Variants in CSMD1 observed in about 807,000 individuals in gnomAD.
CSMD1 encodes the protein CUB and sushi domain-containing protein 1.
In CSMD1, 213 loss-of-function variants were observed where a neutral mutation model predicts 417.5. The ratio of observed to expected loss-of-function variants is 0.51; its 90% CI spans 0.46 to 0.57. The LOEUF is 0.57. Among genes scored for constraint, CSMD1 ranks in the 20% least tolerant of loss-of-function variants. The pLI, the probability that CSMD1 is intolerant of heterozygous loss-of-function variation, is 0.00. For missense variants in CSMD1, 6,923 were observed against 4,529.7 expected (o/e 1.53, Z -15.17); for synonymous variants, 2,862 against 1,736.8 (o/e 1.65, Z -16.11).
chr8:3,957,611 G>C (rs528787816), intron 5 of CSMD1, among the ~76,000 whole-genome samples: 1 of 152,118 alleles, frequency 6.6e-6, no homozygotes, highest in African/African-American at 2.4e-5. Context: ...TTGATCTCAG[G>C]AGTTCGGGGT....
intron 1 of CSMD1, among the ~76,000 whole-genome samples, chr8:4,950,525 T>C (rs1355332978): frequency 6.6e-6 from 1 of 152,182 alleles, no homozygotes; most frequent in Non-Finnish European, 1.5e-5. Context: ...ACTTTATTCA[T>C]AAAAAAGTAA....
rs1348044775 is a variant in CSMD1 at position 3,963,308 on chromosome 8, G to C, written c.818+34595C>G. Among the ~76,000 whole-genome samples the C allele has an allele frequency of 4.6e-5, 7 of 152,104 alleles. No homozygotes were observed. In the East Asian group the frequency reaches 5.8e-4, roughly 13 times the overall value. ...GAAAAACAAAGGTTCCAAATCCATGGCTCTCACCCAGATAAGCCAATTAAA... is the reference window on the plus strand; with the variant it reads ...GAAAAACAAAGGTTCCAAATCCATGCCTCTCACCCAGATAAGCCAATTAAA... On this transcript the variant is annotated intron_variant, in intron 5 of 69. Coordinates refer to ENST00000635120, the MANE Select transcript of CSMD1 (RefSeq NM_033225.6).
intron 3 of CSMD1, among the ~76,000 whole-genome samples, chr8:4,411,992 G>GTGTA (rs1796673880): frequency 7.1e-6 from 1 of 140,394 alleles, no homozygotes; most frequent in South Asian, 2.1e-4. Flanking sequence ...AGCTAAGGGT[G>GTGTA]TGTGTGTGTG....
In CSMD1 at chr8:2,961,174, G is replaced by A. The variant is rs755798508; in HGVS notation, c.9669C>T (p.His3223=). 5.6e-6 allele frequency: 9 copies of A among 1,603,448 alleles called. No homozygotes were observed. Among genetic ancestry groups the A allele is most frequent in the Non-Finnish European group, 7.7e-6 (9 of 1,173,110 alleles). Reference sequence around the variant, plus strand: ...CTCTGGAGCTATTCTGTATTCCAAAGTGTGGCGTACCAGGGTCTGGGCAGG... The same window carrying A: ...CTCTGGAGCTATTCTGTATTCCAAAATGTGGCGTACCAGGGTCTGGGCAGG... ...HNTCPDPGTP[H]FGIQNSSRGY... The change falls in exon 62 of 70, where the codon CAC becomes CAT. Residue 3223 remains histidine (H), a synonymous_variant. Coordinates refer to ENST00000635120, the MANE Select transcript of CSMD1 (RefSeq NM_033225.6).
At chr8:2,976,107 A>AT in intron 55 of CSMD1, among the ~76,000 whole-genome samples, 1 of 152,204 alleles carries the variant, frequency 6.6e-6, no homozygotes, top group East Asian at 1.9e-4. Flanking sequence ...AAGGCTGAGA[A>AT]TTTTTTTGAA....
intron 10 of CSMD1, among the ~76,000 whole-genome samples, chr8:3,529,319 T>A (rs1797881863): frequency 1.3e-5 from 2 of 152,212 alleles, no homozygotes; most frequent in African/African-American, 4.8e-5. Context: ...GCTTTGAAGT[T>A]GCACATGGCC....
chr8:3,637,096 T>C (rs1411904351), intron 7 of CSMD1, among the ~76,000 whole-genome samples: 2 of 152,184 alleles, frequency 1.3e-5, no homozygotes, highest in Admixed American at 6.6e-5. Context: ...ACTCCAAAAC[T>C]ATAGAAAATA....
intron 3 of CSMD1, among the ~76,000 whole-genome samples, chr8:4,236,055 T>TTTTTTTTTTTTTTTTTTTTTTTTTTTTG (rs1802038108): frequency 8.4e-5 from 7 of 83,746 alleles, no homozygotes; most frequent in Admixed American, 1.1e-4. Context: ...TTTTTTTTTT[T>TTTTTTTTTTTTTTTTTTTTTTTTTTTTG]TTTTTTTTTT....
chr8:3,345,233 G>T (rs11783861), intron 22 of CSMD1, among the ~76,000 whole-genome samples: 2 of 152,152 alleles, frequency 1.3e-5, no homozygotes, highest in East Asian at 1.9e-4. Flanking sequence ...TTGACCAAGC[G>T]CACCGTGGAT....
chr8:4,263,021 A>G (rs533743297), intron 3 of CSMD1, among the ~76,000 whole-genome samples: 1 of 152,322 alleles, frequency 6.6e-6, no homozygotes, highest in South Asian at 2.1e-4. Flanking sequence ...TCTTGGCCAA[A>G]TAGTCTAATG....
intron 3 of CSMD1, among the ~76,000 whole-genome samples, chr8:4,407,056 G>C (rs1030483699): frequency 6.6e-6 from 1 of 152,108 alleles, no homozygotes; most frequent in Non-Finnish European, 1.5e-5. Flanking sequence ...ATTGAAACAC[G>C]GCCAAGGTCA....
Position 2,998,133 on chromosome 8 carries a change from C to G in CSMD1, c.8255G>C (p.Ser2752Thr), listed in dbSNP as rs780192246. 2 of 1,613,906 alleles carry G rather than the reference C, an allele frequency of 1.2e-6. No individual in the cohort carries two copies. Among genetic ancestry groups the G allele is most frequent in the Non-Finnish European group, 1.7e-6 (2 of 1,179,888 alleles). ...CACGACATCATTCAGGTTGAACTCA[C>G]TGCCATTAGTGAATCCGTGGGCAGG... The part of the protein sequence containing the change: ...GNPAHGFTNG[S>T]EFNLNDVVNF... The change falls in exon 54 of 70, where the codon AGT becomes ACT. Residue 2752 changes from serine to threonine, a missense_variant. Ser to Thr is a moderately conservative substitution (Grantham distance 58, BLOSUM62 1). Coordinates refer to ENST00000635120, the MANE Select transcript of CSMD1 (RefSeq NM_033225.6).
At chr8:4,119,409 G>A (rs1261646128) in intron 3 of CSMD1, among the ~76,000 whole-genome samples, 2 of 152,160 alleles carry the variant, frequency 1.3e-5, no homozygotes, top group African/African-American at 4.8e-5. Flanking sequence ...TTTTCAGTTA[G>A]AAATCAAGTC....
At chr8:4,655,306 A>C (rs1182998759) in intron 1 of CSMD1, among the ~76,000 whole-genome samples, 1 of 152,098 alleles carries the variant, frequency 6.6e-6, no homozygotes, top group African/African-American at 2.4e-5. Flanking sequence ...TGCCTGGCTG[A>C]TCCTAGTTCC....
chr8:3,186,675 GTTA>G lies in CSMD1; in HGVS notation c.5620+1191_5620+1193del, dbSNP rs1421899417. ...AATATTTAGGGAAAAAATATCCACA[GTTA>G]AGAAAAAATATATATTCCAGCCTCC... is the stretch of plus-strand genomic sequence containing the variant. On this transcript the variant is annotated intron_variant, in intron 36 of 69. Coordinates refer to ENST00000635120, the MANE Select transcript of CSMD1 (RefSeq NM_033225.6). Among the ~76,000 whole-genome samples, 12 of 152,202 alleles carry G rather than the reference GTTA, an allele frequency of 7.9e-5. No homozygotes were observed. The South Asian group carries it at 2.5e-3, about 32-fold the overall frequency.
intron 3 of CSMD1, among the ~76,000 whole-genome samples, chr8:4,121,281 G>A (rs535693965): frequency 1.9e-3 from 288 of 151,684 alleles, no homozygotes; most frequent in Non-Finnish European, 3.1e-3. Flanking sequence ...CACCCAGCTC[G>A]TTTTTGTATT....
At chr8:3,325,407 A>C (rs1313061928) in intron 23 of CSMD1, among the ~76,000 whole-genome samples, 4 of 152,252 alleles carry the variant, frequency 2.6e-5, no homozygotes, top group African/African-American at 9.6e-5. Flanking sequence ...CTTAAGTCGT[A>C]AGCCTTGAGT....
chr8:3,271,248 G>A (rs1312349258), intron 26 of CSMD1, among the ~76,000 whole-genome samples: 3 of 152,018 alleles, frequency 2.0e-5, no homozygotes, highest in Non-Finnish European at 2.9e-5. Flanking sequence ...TCCCTACAAA[G>A]CACATGAACT....
intron 23 of CSMD1, among the ~76,000 whole-genome samples, chr8:3,314,550 A>ACAAT (rs1414763371): frequency 1.3e-5 from 2 of 152,224 alleles, no homozygotes; most frequent in African/African-American, 4.8e-5. Flanking sequence ...AAGTATTATT[A>ACAAT]CAATCAAAAC....
Sources: gnomAD v4.1 joint callset for allele counts (sites outside exome capture counted in the v4.1 genomes callset) on GRCh38, gnomAD v4.1.1 for gene constraint, MANE v1.5 for transcripts, NCBI Gene and HGNC (gene_info 2026-07-23, HGNC 2026-07-21) for gene names.